Variants in NOL4 observed in about 807,000 individuals in gnomAD.
The protein encoded by NOL4 is nucleolar protein 4.
NOL4 carries 17 observed loss-of-function variants against 75.9 expected under a neutral mutation model. The observed-to-expected ratio is 0.22, with a 90% CI of 0.15 to 0.34. The LOEUF is 0.34. Ranked by LOEUF, NOL4 falls within the 10% of genes least tolerant of loss-of-function variation. The pLI is 1.00. For missense variants in NOL4, 614 were observed against 793.5 expected, an observed-to-expected ratio of 0.77 and a Z score of 2.72; for synonymous variants, 292 against 289.9, an observed-to-expected ratio of 1.01 and a Z score of -0.07.
rs1023464587 is a variant in NOL4 at position 34,033,633 on chromosome 18, T to C, written c.773-14032A>G. ...TTGAAGCATTCTATAACTTATTAAA[T>C]AGATAATAAATGAAAACTCCCCAAT... On this transcript the variant is annotated intron_variant, in intron 5 of 10. Transcript: ENST00000261592. Among the ~76,000 whole-genome samples, 7 of 152,110 alleles carry C rather than the reference T, an allele frequency of 4.6e-5. No individual in the cohort carries two copies. The South Asian group carries it at 1.0e-3, about 23-fold the overall frequency.
chr18:33,870,014 G>T (rs772575902), intron 10 of NOL4, among the ~76,000 whole-genome samples: 18 of 152,016 alleles, frequency 1.2e-4, no homozygotes, highest in Non-Finnish European at 2.5e-4. Flanking sequence ...AAGTTGCTTA[G>T]AAAGCAAATT....
chr18:34,190,029 CAT>C (rs955512366), intron 1 of NOL4, among the ~76,000 whole-genome samples: 23 of 148,884 alleles, frequency 1.5e-4, no homozygotes, highest in Admixed American at 9.5e-4. Context: ...ATATATATAA[CAT>C]ATTATTTTAT....
At chr18:34,215,473 A>G (rs1471437178) in intron 1 of NOL4, among the ~76,000 whole-genome samples, 1 of 152,174 alleles carries the variant, frequency 6.6e-6, no homozygotes, top group East Asian at 1.9e-4. Flanking sequence ...GGCTTCAAGA[A>G]ATATTAGTTT....
At chr18:33,984,568 G>A (rs2072278105) in intron 6 of NOL4, among the ~76,000 whole-genome samples, 1 of 152,052 alleles carries the variant, frequency 6.6e-6, no homozygotes, top group South Asian at 2.1e-4. Flanking sequence ...AACTCTGGTT[G>A]TTTGGAAGTG....
Position 34,223,264 on chromosome 18 carries a change from C to T in NOL4, c.-11G>A. ...GCGCTCGCTCTCCATGTTCCCCGCG[C>T]TCGGCCGCTGGCCGGATGCTCCCAG... On this transcript the variant is annotated 5_prime_UTR_variant, in exon 1 of 11. Transcript: ENST00000261592. The T allele has an allele frequency of 1.2e-6, 2 of 1,612,038 alleles. No homozygotes were observed. Among genetic ancestry groups the T allele is most frequent in the Middle Eastern group, 1.7e-4 (1 of 6,046 alleles).
chr18:34,194,602 A>G (rs1056997590), intron 1 of NOL4, among the ~76,000 whole-genome samples: 1 of 152,202 alleles, frequency 6.6e-6, no homozygotes, highest in Non-Finnish European at 1.5e-5. Flanking sequence ...TCTTTGCTCA[A>G]AATTTAAATA....
intron 7 of NOL4, among the ~76,000 whole-genome samples, chr18:33,957,913 A>G (rs1441769044): frequency 6.6e-6 from 1 of 152,144 alleles, no homozygotes; most frequent in East Asian, 1.9e-4. Flanking sequence ...TTTGTCATGC[A>G]TAATTAGATA....
At chr18:33,910,191 CTA>C (rs1174143847) in intron 9 of NOL4, among the ~76,000 whole-genome samples, 1 of 152,160 alleles carries the variant, frequency 6.6e-6, no homozygotes, top group Non-Finnish European at 1.5e-5. Flanking sequence ...AATTACAACA[CTA>C]TTTTTTTCTG....
At chr18:34,104,953 C>A in intron 3 of NOL4, 96 bp downstream of exon 3, 1 of 717,046 alleles carries the variant, frequency 1.4e-6, no homozygotes, top group East Asian at 2.7e-5. Context: ...ACTTGTTGAA[C>A]TGTTTCAGTC....
intron 1 of NOL4, among the ~76,000 whole-genome samples, chr18:34,156,104 T>A (rs2030338401): frequency 6.6e-6 from 1 of 152,146 alleles, no homozygotes; most frequent in Non-Finnish European, 1.5e-5. Context: ...TGATTCTTAG[T>A]CTTACTAACA....
intron 5 of NOL4, chr18:34,048,453 T>G: frequency 1.0e-6 from 1 of 985,428 alleles, no homozygotes; most frequent in Non-Finnish European, 1.2e-6. Context: ...AATTCTGCTC[T>G]TCAACTTAAA....
At chr18:34,000,791 C>A (rs1356568774) in intron 6 of NOL4, among the ~76,000 whole-genome samples, 1 of 152,110 alleles carries the variant, frequency 6.6e-6, no homozygotes, top group African/African-American at 2.4e-5. Flanking sequence ...TAAAATACCT[C>A]AGTGCCTGGA....
At chr18:34,051,789 T>A (rs753092014) in intron 5 of NOL4, among the ~76,000 whole-genome samples, 6 of 151,606 alleles carry the variant, frequency 4.0e-5, no homozygotes, top group Admixed American at 6.6e-5. Flanking sequence ...TGTGAGAGAG[T>A]GTGTGTGTGT....
At chr18:34,117,889 A>C (rs1286045860) in intron 2 of NOL4, among the ~76,000 whole-genome samples, 1 of 152,224 alleles carries the variant, frequency 6.6e-6, no homozygotes, top group Non-Finnish European at 1.5e-5. Context: ...TTGGCAAATC[A>C]TGAGTAGTAA....
chr18:34,078,843 TA>T (rs1285134043), intron 5 of NOL4, among the ~76,000 whole-genome samples: 1 of 152,212 alleles, frequency 6.6e-6, no homozygotes, highest in Non-Finnish European at 1.5e-5. Flanking sequence ...ATCAGGATGA[TA>T]AATTTAAGGT....
At chr18:33,935,922 G>A (rs2068026771) in intron 9 of NOL4, among the ~76,000 whole-genome samples, 2 of 152,108 alleles carry the variant, frequency 1.3e-5, no homozygotes, top group African/African-American at 4.8e-5. Flanking sequence ...AGCTGAGGAT[G>A]ACTGAGAATA....
At chr18:34,148,222 G>T (rs575695595) in intron 1 of NOL4, among the ~76,000 whole-genome samples, 3 of 151,958 alleles carry the variant, frequency 2.0e-5, no homozygotes, top group African/African-American at 7.2e-5. Flanking sequence ...CTTCAGTTCT[G>T]CTCTGATCTT....
chr18:34,041,951 T>A (rs1035744138), intron 5 of NOL4, among the ~76,000 whole-genome samples: 1 of 151,998 alleles, frequency 6.6e-6, no homozygotes, highest in Non-Finnish European at 1.5e-5. Flanking sequence ...AAAATAATAA[T>A]CTTTAAACAG....
intron 10 of NOL4, among the ~76,000 whole-genome samples, chr18:33,876,168 G>C (rs17669439): frequency 0.18 from 26,863 of 151,922 alleles, 2,595 homozygotes; most frequent in Non-Finnish European, 0.22. Context: ...GCTAAGGTAT[G>C]CTCTTTTATT....
Sources: gnomAD v4.1 joint callset for allele counts (sites outside exome capture counted in the v4.1 genomes callset) on GRCh38, gnomAD v4.1.1 for gene constraint, MANE v1.5 for transcripts, NCBI Gene and HGNC (gene_info 2026-07-23, HGNC 2026-07-21) for gene names.